SMIM31: variants seen among roughly 807,000 people sequenced by gnomAD.
SMIM31 encodes small integral membrane protein 31, also known as human epithelial cell program regulator.
Position 164,769,333 on chromosome 4 carries a change from C to T in SMIM31, c.-25-1086C>T, listed in dbSNP as rs752670344. Among the ~76,000 whole-genome samples, 45 of 152,216 alleles carry T rather than the reference C, an allele frequency of 3.0e-4. 1 individual carries two copies. The Middle Eastern group carries it at 0.014, about 46-fold the overall frequency. ...ATCATTTGAAAAAAGACTAAGCTCT[C>T]ATCTTGACATTAAATTCTTTCTATT... is the stretch of plus-strand genomic sequence containing the variant. On this transcript the variant is annotated intron_variant, in intron 1 of 2. Coordinates refer to ENST00000507311, the MANE Select transcript of SMIM31 (RefSeq NM_001352885.1).
intron 2 of SMIM31, among the ~76,000 whole-genome samples, chr4:164,772,744 A>G (rs951121989): frequency 1.3e-5 from 2 of 151,288 alleles, no homozygotes; most frequent in Non-Finnish European, 2.9e-5. Flanking sequence ...ACGCCCGGCT[A>G]ATTTTTTGTA....
At chr4:164,759,089 A>C (rs1336718970) in intron 1 of SMIM31, among the ~76,000 whole-genome samples, 1 of 151,960 alleles carries the variant, frequency 6.6e-6, no homozygotes, top group Non-Finnish European at 1.5e-5. Flanking sequence ...TTTTATGTAC[A>C]TTGCTGGATT....
intron 2 of SMIM31, among the ~76,000 whole-genome samples, chr4:164,772,229 G>A (rs1476073577): frequency 6.6e-6 from 1 of 151,488 alleles, no homozygotes; most frequent in African/African-American, 2.4e-5. Context: ...GCAGGAAGAG[G>A]GAGAAGGGGG....
rs1217521871 is a variant in SMIM31, at chr4:164,802,451, G to GA, written c.*1257_*1258insA. 6.6e-6 allele frequency: 1 copy of GA among 152,246 alleles called. No individual in the cohort carries two copies. Among genetic ancestry groups the GA allele is most frequent in the African/African-American group, 2.4e-5 (1 of 41,430 alleles). 9.4% of individuals were successfully genotyped at this position (152,246 alleles called of 1,614,324 possible). Reference sequence around the variant, plus strand: ...AAGGCCTCTCTATGTTGCCTAGGCTGGTCTCCAAATCCTGGACTCAAGCGA... The same window carrying GA: ...AAGGCCTCTCTATGTTGCCTAGGCTGAGTCTCCAAATCCTGGACTCAAGCGA... On this transcript the variant is annotated 3_prime_UTR_variant, in exon 3 of 3. Coordinates refer to ENST00000507311, the MANE Select transcript of SMIM31 (RefSeq NM_001352885.1).
chr4:164,786,592 A>C (rs1733028191), intron 2 of SMIM31, among the ~76,000 whole-genome samples: 1 of 150,210 alleles, frequency 6.7e-6, no homozygotes, highest in African/African-American at 2.5e-5. Context: ...CTTTTCTACC[A>C]TTATTGAGTC....
chr4:164,757,033 C>T (rs987222459), intron 1 of SMIM31, among the ~76,000 whole-genome samples: 1 of 151,976 alleles, frequency 6.6e-6, no homozygotes, highest in Non-Finnish European at 1.5e-5. Flanking sequence ...ATTTTAACAC[C>T]CTAACATTGT....
chr4:164,762,082 C>A (rs1376292341), intron 1 of SMIM31, among the ~76,000 whole-genome samples: 2 of 152,152 alleles, frequency 1.3e-5, no homozygotes, highest in African/African-American at 4.8e-5. Flanking sequence ...CATGCCACCA[C>A]CCCCAAAGCT....
intron 2 of SMIM31, among the ~76,000 whole-genome samples, chr4:164,799,750 C>T: frequency 6.6e-6 from 1 of 152,214 alleles, no homozygotes; most frequent in Admixed American, 6.5e-5. Context: ...AATTAACCAT[C>T]ACAAAACGCA....
chr4:164,758,630 G>GTTTTTTTT (rs1210607914), intron 1 of SMIM31, among the ~76,000 whole-genome samples: 5 of 96,640 alleles, frequency 5.2e-5, no homozygotes, highest in African/African-American at 1.7e-4. Flanking sequence ...TCCTTTTTTT[G>GTTTTTTTT]TTTTTTTTTT....
rs140387514 is a variant in SMIM31 at position 164,784,364 on chromosome 4, A to G, written c.112+13809A>G. On this transcript the variant is annotated intron_variant, in intron 2 of 2. Transcript: ENST00000507311. ...GTTTTATTTGTGGTGGGTAAATGTAACTGCTAGACGCCGTTGGTTCTTGAT... is the reference window on the plus strand; with the variant it reads ...GTTTTATTTGTGGTGGGTAAATGTAGCTGCTAGACGCCGTTGGTTCTTGAT... 1.5e-3 allele frequency among the ~76,000 whole-genome samples: 233 copies of G among 152,360 alleles called. 1 individual carries two copies. The highest frequency in any genetic ancestry group is 5.2e-3 in the African/African-American group (216 of 41,574).
At chr4:164,778,416 T>C (rs1278470103) in intron 2 of SMIM31, among the ~76,000 whole-genome samples, 1 of 152,108 alleles carries the variant, frequency 6.6e-6, no homozygotes, top group East Asian at 1.9e-4. Flanking sequence ...ACACCTCTAA[T>C]AATATACAAA....
intron 2 of SMIM31, among the ~76,000 whole-genome samples, chr4:164,794,532 C>T (rs965540760): frequency 7.2e-5 from 11 of 152,246 alleles, no homozygotes; most frequent in African/African-American, 2.2e-4. Context: ...TAGGGCCAGA[C>T]GCAGTGGCTC....
chr4:164,779,044 G>A (rs1478072624), intron 2 of SMIM31, among the ~76,000 whole-genome samples: 1 of 151,834 alleles, frequency 6.6e-6, no homozygotes, highest in African/African-American at 2.4e-5. Flanking sequence ...TCAACTGAGG[G>A]TTTCTTTAAC....
intron 1 of SMIM31, among the ~76,000 whole-genome samples, chr4:164,758,859 T>G (rs948766391): frequency 7.4e-6 from 1 of 134,324 alleles, no homozygotes; most frequent in Admixed American, 8.0e-5. Flanking sequence ...TAGTAGAGAC[T>G]GGGTTTCACC....
chr4:164,764,803 A>G (rs1365396526), intron 1 of SMIM31, among the ~76,000 whole-genome samples: 1 of 152,194 alleles, frequency 6.6e-6, no homozygotes, highest in African/African-American at 2.4e-5. Context: ...CCTGGTCTTC[A>G]AATATTTGAG....
intron 2 of SMIM31, among the ~76,000 whole-genome samples, chr4:164,778,223 A>G (rs1195692680): frequency 6.6e-6 from 1 of 152,214 alleles, no homozygotes; most frequent in African/African-American, 2.4e-5. Context: ...CCTCATCTCT[A>G]TTTAAAAATA....
chr4:164,788,692 T>A (rs550578082), intron 2 of SMIM31, among the ~76,000 whole-genome samples: 163 of 151,634 alleles, frequency 1.1e-3, no homozygotes, highest in Non-Finnish European at 1.6e-3. Flanking sequence ...TTTCTCCATG[T>A]TGAGGCTGGT....
intron 1 of SMIM31, among the ~76,000 whole-genome samples, chr4:164,758,622 C>CTTTTTTTTTTTTTTT (rs779023276): frequency 3.8e-5 from 4 of 105,390 alleles, no homozygotes; most frequent in Admixed American, 2.6e-4. Flanking sequence ...TGTAGTTTTC[C>CTTTTTTTTTTTTTTT]TTTTTTTGTT....
chr4:164,785,909 T>C (rs971646576), intron 2 of SMIM31, among the ~76,000 whole-genome samples: 2 of 152,130 alleles, frequency 1.3e-5, no homozygotes, highest in African/African-American at 4.8e-5. Flanking sequence ...TCCTCGGAGC[T>C]CCCTAAATCC....
Sources: allele counts gnomAD v4.1 joint callset (sites outside exome capture counted in the v4.1 genomes callset), GRCh38; gene constraint gnomAD v4.1.1; transcripts MANE v1.5; gene names NCBI Gene and HGNC (gene_info 2026-07-23, HGNC 2026-07-21).